LIN28B: variants seen among roughly 807,000 people sequenced by gnomAD.
LIN28B encodes the protein protein lin-28 homolog B.
A neutral mutation model predicts 21.9 loss-of-function variants in LIN28B; 5 were observed. That is an observed-to-expected ratio of 0.23 (90% confidence interval 0.12 to 0.48). The LOEUF (loss-of-function observed/expected upper bound fraction) is 0.48, where lower values mean the gene tolerates loss of function less well. Ranked by LOEUF, LIN28B falls within the 20% of genes least tolerant of loss-of-function variation. The pLI is 0.98. For missense variants in LIN28B, 245 were observed against 310.5 expected (o/e 0.79, Z 1.58); for synonymous variants, 109 against 111.3 (o/e 0.98, Z 0.13).
intron 3 of LIN28B, among the ~76,000 whole-genome samples, chr6:105,063,319 TA>T (rs893142191): frequency 2.0e-5 from 3 of 152,246 alleles, no homozygotes; most frequent in Admixed American, 1.3e-4. Context: ...AATGTAAGGT[TA>T]AAAAGAAAAA....
At chr6:105,025,620 A>G (rs537522013) in intron 2 of LIN28B, among the ~76,000 whole-genome samples, 5 of 152,302 alleles carry the variant, frequency 3.3e-5, no homozygotes, top group East Asian at 3.9e-4. Flanking sequence ...TAATAAACAT[A>G]TATCTTTTAA....
intron 3 of LIN28B, among the ~76,000 whole-genome samples, chr6:105,046,887 G>A (rs1009899709): frequency 3.3e-5 from 5 of 152,018 alleles, no homozygotes; most frequent in African/African-American, 1.2e-4. Context: ...TTGTAAATTT[G>A]TTTGAGTTCT....
chr6:104,981,752 T>C (rs1323173528), intron 2 of LIN28B, among the ~76,000 whole-genome samples: 1 of 152,180 alleles, frequency 6.6e-6, no homozygotes, highest in Non-Finnish European at 1.5e-5. Context: ...AATCCCAAGA[T>C]ACCCAGAAAA....
intron 3 of LIN28B, among the ~76,000 whole-genome samples, chr6:105,055,323 C>T (rs1378640807): frequency 6.6e-6 from 1 of 152,106 alleles, no homozygotes; most frequent in African/African-American, 2.4e-5. Context: ...TATTGTCCCT[C>T]GTGTCACTAT....
intron 3 of LIN28B, among the ~76,000 whole-genome samples, chr6:105,054,037 C>T (rs1335978032): frequency 2.2e-5 from 2 of 89,748 alleles, no homozygotes; most frequent in East Asian, 7.2e-4. Context: ...AGACACTGCA[C>T]CCAGCCTACT....
intron 3 of LIN28B, among the ~76,000 whole-genome samples, chr6:105,028,958 G>T (rs973803654): frequency 6.6e-6 from 1 of 152,152 alleles, no homozygotes; most frequent in Non-Finnish European, 1.5e-5. Flanking sequence ...AAATAGGAGG[G>T]AAAGTCAGGG....
At chr6:105,029,696 G>T (rs1771379174) in intron 3 of LIN28B, among the ~76,000 whole-genome samples, 1 of 152,178 alleles carries the variant, frequency 6.6e-6, no homozygotes, top group Admixed American at 6.5e-5. Context: ...TAGTGGGTAC[G>T]AATTTAAAGT....
At chr6:105,020,565 TC>T (rs1328902845) in intron 2 of LIN28B, among the ~76,000 whole-genome samples, 1 of 151,062 alleles carries the variant, frequency 6.6e-6, no homozygotes, top group Non-Finnish European at 1.5e-5. Flanking sequence ...GCAGTCTACC[TC>T]CCTCGGCCTC....
chr6:104,950,571 G>A (rs1778209501), intron 3 of LIN28B: 2 of 980,650 alleles, frequency 2.0e-6, no homozygotes, highest in Non-Finnish European at 2.6e-6. Context: ...GATCAAGATC[G>A]CTAGAGGCAT....
intron 2 of LIN28B, among the ~76,000 whole-genome samples, chr6:105,020,091 C>G (rs545123378): frequency 6.7e-6 from 1 of 150,014 alleles, no homozygotes; most frequent in African/African-American, 2.5e-5. Flanking sequence ...TCAGTTGACT[C>G]CTTATTCCTG....
In LIN28B at chr6:105,080,399, C is replaced by G. The variant is rs1772521416; in HGVS notation, c.*1616C>G. The G allele has an allele frequency of 6.6e-6, 1 of 152,574 alleles. No homozygotes were observed. Among genetic ancestry groups the G allele is most frequent in the African/African-American group, 2.4e-5 (1 of 41,446 alleles). 9.5% of individuals were successfully genotyped at this position (152,574 alleles called of 1,614,324 possible). On this transcript the variant is annotated 3_prime_UTR_variant, in exon 4 of 4. Coordinates refer to ENST00000345080, the MANE Select transcript of LIN28B (RefSeq NM_001004317.4). The stretch of plus-strand genomic sequence containing the variant: ...TAGCATGACTCAAATGAGACATATT[C>G]TGCTGAACAGTTTCTACTTCCTCTC...
intron 2 of LIN28B, among the ~76,000 whole-genome samples, chr6:104,991,424 G>A (rs1228681598): frequency 6.6e-6 from 1 of 151,206 alleles, no homozygotes; most frequent in Non-Finnish European, 1.5e-5. Context: ...GGGGCGGCGG[G>A]GCAGAGGTGA....
intron 2 of LIN28B, among the ~76,000 whole-genome samples, chr6:104,972,429 G>GGAC (rs1002567707): frequency 1.3e-5 from 2 of 152,056 alleles, no homozygotes; most frequent in African/African-American, 4.8e-5. Context: ...AAAGTTGAGG[G>GGAC]TTTTCCCCTT....
chr6:104,954,988 G>A (rs1177141535), upstream of LIN28B, among the ~76,000 whole-genome samples: 1 of 152,104 alleles, frequency 6.6e-6, no homozygotes, highest in African/African-American at 2.4e-5. Context: ...TGTGAATTTT[G>A]TGATCATTAC....
At chr6:105,044,161 G>A (rs565736661) in intron 3 of LIN28B, among the ~76,000 whole-genome samples, 5 of 152,092 alleles carry the variant, frequency 3.3e-5, no homozygotes, top group Non-Finnish European at 7.4e-5. Flanking sequence ...AAGAAGCTCT[G>A]TTCTGAATTT....
At chr6:105,059,688 G>A (rs939120818) in intron 3 of LIN28B, among the ~76,000 whole-genome samples, 8 of 152,110 alleles carry the variant, frequency 5.3e-5, no homozygotes, top group Non-Finnish European at 7.4e-5. Flanking sequence ...GTGGGTGCCC[G>A]TTACTCTGAA....
At position 105,078,817 on chromosome 6, in the gene LIN28B, GT is replaced by G. The variant is rs1562116965; in HGVS notation, c.*36del. On this transcript the variant is annotated 3_prime_UTR_variant, in exon 4 of 4. Transcript: ENST00000345080. The stretch of plus-strand genomic sequence containing the variant: ...CTTCATATGTTCTTTCCTTTACCCG[GT>G]TGCAAAGTCTACCTCATGCAAGTAT... The G allele has an allele frequency of 6.3e-7, 1 of 1,584,808 alleles. No individual in the cohort carries two copies. The highest frequency in any genetic ancestry group is 1.2e-5 in the South Asian group (1 of 86,884).
intron 2 of LIN28B, among the ~76,000 whole-genome samples, chr6:104,946,932 T>G (rs1309692526): frequency 1.3e-5 from 2 of 152,128 alleles, no homozygotes; most frequent in African/African-American, 4.8e-5. Flanking sequence ...ATGAAATAAT[T>G]TTTCTTATTA....
At chr6:105,067,524 T>C (rs912553936) in intron 3 of LIN28B, among the ~76,000 whole-genome samples, 3 of 152,196 alleles carry the variant, frequency 2.0e-5, no homozygotes, top group South Asian at 2.1e-4. Flanking sequence ...TCCCAGGAAA[T>C]TGGAAATCAT....
Sources: gnomAD v4.1 joint callset for allele counts (sites outside exome capture counted in the v4.1 genomes callset) on GRCh38, gnomAD v4.1.1 for gene constraint, MANE v1.5 for transcripts, NCBI Gene and HGNC (gene_info 2026-07-23, HGNC 2026-07-21) for gene names.